ROBO1: variants seen among roughly 807,000 people sequenced by gnomAD.
ROBO1 encodes roundabout guidance receptor 1, also known as roundabout homolog 1.
In ROBO1, 149 loss-of-function variants were observed where a neutral mutation model predicts 195.9. The ratio of observed to expected loss-of-function variants is 0.76; its 90% confidence interval spans 0.67 to 0.87. The LOEUF is 0.87. ROBO1 is among the 40% of genes least tolerant of loss of function. ROBO1 has a pLI of 0.00. For synonymous variants in ROBO1, 816 were observed against 733.2 expected (o/e 1.11, Z -1.82); for missense variants, 1,933 against 2,068.3 (o/e 0.93, Z 1.27).
rs1311651326 is a variant in ROBO1 at position 79,270,775 on chromosome 3, ATCTC to A, written c.89-145240_89-145237del. ...TCTATTTGAAATGTTGGTTAATTGC[ATCTC>A]TCTCTAAATACTTCCCTGGCCACAA... On this transcript the variant is annotated intron_variant, in intron 2 of 30. Coordinates refer to ENST00000464233, the MANE Select transcript of ROBO1 (RefSeq NM_002941.4). Among the ~76,000 whole-genome samples the A allele has an allele frequency of 6.6e-5, 10 of 151,914 alleles. No homozygotes were observed. The East Asian group carries it at 1.9e-3, about 29-fold the overall frequency.
chr3:79,397,969 T>C (rs901307930), intron 2 of ROBO1, among the ~76,000 whole-genome samples: 7 of 152,052 alleles, frequency 4.6e-5, no homozygotes, highest in African/African-American at 1.7e-4. Flanking sequence ...AAAAATCATA[T>C]GTAGTTAGCT....
intron 22 of ROBO1, among the ~76,000 whole-genome samples, chr3:78,637,984 T>TGGGG (rs370449394): frequency 4.5e-5 from 6 of 134,368 alleles, no homozygotes; most frequent in South Asian, 2.4e-4. Flanking sequence ...GGTTTTTTTT[T>TGGGG]GGGGGGGGGA....
At chr3:79,666,491 C>T (rs1287436656) in intron 1 of ROBO1, among the ~76,000 whole-genome samples, 1 of 151,790 alleles carries the variant, frequency 6.6e-6, no homozygotes, top group Non-Finnish European at 1.5e-5. Flanking sequence ...CCCATAATTC[C>T]CACGTGTTGT....
At chr3:79,019,763 T>A (rs1423763218) in intron 3 of ROBO1, among the ~76,000 whole-genome samples, 1 of 151,942 alleles carries the variant, frequency 6.6e-6, no homozygotes, top group Non-Finnish European at 1.5e-5. Flanking sequence ...GCCAAAGACT[T>A]CAAAAATCCT....
At chr3:78,869,069 A>C (rs1031334247) in intron 4 of ROBO1, among the ~76,000 whole-genome samples, 2 of 152,198 alleles carry the variant, frequency 1.3e-5, no homozygotes, top group Non-Finnish European at 2.9e-5. Flanking sequence ...TAAAATTTTA[A>C]CTTGGGACAA....
chr3:78,889,448 A>C (rs2036755212), intron 4 of ROBO1, among the ~76,000 whole-genome samples: 1 of 152,240 alleles, frequency 6.6e-6, no homozygotes, highest in African/African-American at 2.4e-5. Flanking sequence ...GGAAGAAAGC[A>C]CACATGTGCG....
At chr3:78,867,011 G>A (rs939222983) in intron 4 of ROBO1, among the ~76,000 whole-genome samples, 1 of 152,096 alleles carries the variant, frequency 6.6e-6, no homozygotes, top group Non-Finnish European at 1.5e-5. Flanking sequence ...TTTCCACTAC[G>A]TTTGCCATTT....
At chr3:78,752,669 C>A (rs559521424) in intron 4 of ROBO1, among the ~76,000 whole-genome samples, 1 of 152,072 alleles carries the variant, frequency 6.6e-6, no homozygotes, top group African/African-American at 2.4e-5. Context: ...GAAAGATAAA[C>A]CATTGAAGAG....
intron 1 of ROBO1, among the ~76,000 whole-genome samples, chr3:79,663,254 A>C (rs183443426): frequency 3.9e-5 from 6 of 152,148 alleles, no homozygotes; most frequent in Admixed American, 2.6e-4. Flanking sequence ...ACCATTAATA[A>C]AATTATTACA....
chr3:78,627,605 A>C (rs1165985632), intron 25 of ROBO1, 36 bp from the exon 26 acceptor site: 2 of 1,557,640 alleles, frequency 1.3e-6, no homozygotes. Context: ...GACTTACTTC[A>C]GGTTATTCAA....
chr3:78,868,256 A>T (rs2035303646), intron 4 of ROBO1, among the ~76,000 whole-genome samples: 1 of 152,136 alleles, frequency 6.6e-6, no homozygotes, highest in Non-Finnish European at 1.5e-5. Flanking sequence ...GAAGAAAATG[A>T]ATATGGTAAA....
chr3:79,519,686 A>T (rs945355244), intron 2 of ROBO1, among the ~76,000 whole-genome samples: 1 of 151,620 alleles, frequency 6.6e-6, no homozygotes, highest in African/African-American at 2.4e-5. Flanking sequence ...GTATAATATA[A>T]TATGTTGTCC....
intron 2 of ROBO1, among the ~76,000 whole-genome samples, chr3:79,328,367 T>C (rs1346859514): frequency 6.6e-6 from 1 of 152,112 alleles, no homozygotes; most frequent in South Asian, 2.1e-4. Context: ...TCGCTAAATA[T>C]CAATCTTGTT....
rs546897150 is a variant in ROBO1 at position 79,156,224 on chromosome 3, A to C, written c.89-30685T>G. Among the ~76,000 whole-genome samples, 85 of 151,384 alleles carry C rather than the reference A, an allele frequency of 5.6e-4. 1 individual carries two copies. The highest frequency in any genetic ancestry group is 4.2e-4 in the South Asian group (2 of 4,808). On this transcript the variant is annotated intron_variant, in intron 2 of 30. Coordinates refer to ENST00000464233, the MANE Select transcript of ROBO1 (RefSeq NM_002941.4). Reference sequence around the variant, plus strand: ...GAACTGTTTGTCCTTTTCATAGTCAATCCAATGCACGGTGTACCTACAGCA... The same window carrying C: ...GAACTGTTTGTCCTTTTCATAGTCACTCCAATGCACGGTGTACCTACAGCA...
At chr3:78,714,135 A>G (rs2081838274) in intron 8 of ROBO1, among the ~76,000 whole-genome samples, 1 of 152,172 alleles carries the variant, frequency 6.6e-6, no homozygotes, top group African/African-American at 2.4e-5. Flanking sequence ...CCTCTACTTG[A>G]CCAAGATAGT....
intron 2 of ROBO1, among the ~76,000 whole-genome samples, chr3:79,329,289 GT>G (rs754599869): frequency 1.3e-5 from 2 of 152,040 alleles, no homozygotes; most frequent in Non-Finnish European, 2.9e-5. Context: ...ATTGTTCCTA[GT>G]TCTCTCAAAC....
intron 2 of ROBO1, among the ~76,000 whole-genome samples, chr3:79,186,067 G>A (rs1006819301): frequency 3.9e-5 from 6 of 152,038 alleles, no homozygotes; most frequent in Non-Finnish European, 8.8e-5. Flanking sequence ...AAGACAGTGA[G>A]TGACCTGTGT....
intron 29 of ROBO1, among the ~76,000 whole-genome samples, chr3:78,602,036 ATGTG>A (rs1703203461): frequency 1.3e-5 from 1 of 75,788 alleles, no homozygotes; most frequent in Non-Finnish European, 2.6e-5. Context: ...TATATCATTC[ATGTG>A]TGTGAGTGTG....
At chr3:79,503,130 C>T (rs1362200609) in intron 2 of ROBO1, among the ~76,000 whole-genome samples, 1 of 152,162 alleles carries the variant, frequency 6.6e-6, no homozygotes, top group Non-Finnish European at 1.5e-5. Context: ...GTCTACACTG[C>T]CATTATGAGC....
Sources: gnomAD v4.1 joint callset for allele counts (sites outside exome capture counted in the v4.1 genomes callset) on GRCh38, gnomAD v4.1.1 for gene constraint, MANE v1.5 for transcripts, NCBI Gene and HGNC (gene_info 2026-07-23, HGNC 2026-07-21) for gene names.